The following AOAH variants were observed in gnomAD, a reference collection of about 807,000 sequenced individuals.
The protein encoded by AOAH is acyloxyacyl hydrolase.
In AOAH, 64 loss-of-function variants were observed where a neutral mutation model predicts 92.2. That is an observed-to-expected ratio of 0.69 (90% CI 0.57 to 0.86). The LOEUF (loss-of-function observed/expected upper bound fraction) is 0.86. AOAH is among the 40% of genes least tolerant of loss of function. The pLI is 0.00. For missense variants in AOAH, 656 were observed against 694.6 expected (o/e 0.94, Z 0.62); for synonymous variants, 263 against 254.5 (o/e 1.03, Z -0.32).
intron 12 of AOAH, among the ~76,000 whole-genome samples, chr7:36,593,336 G>A (rs1223039927): frequency 6.6e-6 from 1 of 152,188 alleles, no homozygotes; most frequent in Non-Finnish European, 1.5e-5. Context: ...GGCACACAAT[G>A]TTCTTTGTTC....
chr7:36,611,580 T>C (rs1791461292), intron 11 of AOAH, among the ~76,000 whole-genome samples: 1 of 152,160 alleles, frequency 6.6e-6, no homozygotes, highest in Non-Finnish European at 1.5e-5. Context: ...TGGGCCCCTC[T>C]TTTTCCTGGA....
intron 4 of AOAH, among the ~76,000 whole-genome samples, chr7:36,645,015 T>G (rs1278304510): frequency 1.3e-5 from 2 of 152,182 alleles, no homozygotes; most frequent in African/African-American, 4.8e-5. Flanking sequence ...TGGTATAAAC[T>G]GATTTTTAAA....
At chr7:36,540,194 A>T (rs1201648157) in intron 16 of AOAH, 125 bp downstream of exon 16, 2 of 928,440 alleles carry the variant, frequency 2.2e-6, no homozygotes, top group Non-Finnish European at 3.1e-6. Context: ...TCTTGCCTTT[A>T]TCAACCCTGA....
At position 36,637,367 on chromosome 7, in the gene AOAH, C is replaced by T. The variant is rs139222736; in HGVS notation, c.450+484G>A. ...ACTGGGGCTCAGTGAAGTTGAGCAC[C>T]GTGCTTAAGGTCACATTTTTAGAAA... On this transcript the variant is annotated intron_variant, in intron 5 of 20. Coordinates refer to ENST00000617537, the MANE Select transcript of AOAH (RefSeq NM_001637.4). Among the ~76,000 whole-genome samples, 545 of 152,226 alleles carry T rather than the reference C, an allele frequency of 3.6e-3. 3 individuals are homozygous for T. The highest frequency in any genetic ancestry group is 0.012 in the African/African-American group (507 of 41,536).
In AOAH at chr7:36,673,959, A is replaced by G. The variant is rs1490281282; in HGVS notation, c.274T>C (p.Ser92Pro). ...TCYLVIDKFG[S>P]DIIKLLSADM... ...CATACTCACAGTTTTATGATGTCTGATCCAAACTTGTCAATGACTAAATAG... is the reference window on the plus strand; with the variant it reads ...CATACTCACAGTTTTATGATGTCTGGTCCAAACTTGTCAATGACTAAATAG... Residue 92 changes from serine to proline, a missense_variant, in exon 3 of 21, where the codon TCA becomes CCA. Physicochemically the swap from Ser to Pro is moderately conservative, Grantham distance 74 (BLOSUM62 -1). Transcript: ENST00000617537. 1 of 1,610,720 alleles carries G rather than the reference A, an allele frequency of 6.2e-7. No homozygotes were observed. Among genetic ancestry groups the G allele is most frequent in the African/African-American group, 1.3e-5 (1 of 74,838 alleles).
chr7:36,567,847 CTT>C (rs1787820640), intron 13 of AOAH, among the ~76,000 whole-genome samples: 1 of 152,222 alleles, frequency 6.6e-6, no homozygotes, highest in Non-Finnish European at 1.5e-5. Flanking sequence ...CACGTCTACT[CTT>C]GTTAGGATAT....
At chr7:36,587,978 G>A (rs1246508637) in intron 12 of AOAH, among the ~76,000 whole-genome samples, 3 of 151,810 alleles carry the variant, frequency 2.0e-5, no homozygotes, top group African/African-American at 7.3e-5. Flanking sequence ...CTCTCATCTC[G>A]CCTACACAAG....
chr7:36,720,758 C>T (rs1799572347), intron 1 of AOAH, among the ~76,000 whole-genome samples: 1 of 152,096 alleles, frequency 6.6e-6, no homozygotes, highest in East Asian at 1.9e-4. Flanking sequence ...TGAAGACAGA[C>T]ATTCTAAAAA....
intron 1 of AOAH, among the ~76,000 whole-genome samples, chr7:36,703,682 AG>A (rs1798181977): frequency 6.6e-6 from 1 of 152,078 alleles, no homozygotes; most frequent in Admixed American, 6.5e-5. Flanking sequence ...GCTGAGAATG[AG>A]GGTTTCCAGC....
Position 36,522,107 on chromosome 7 carries a change from C to T in AOAH, c.1531G>A (p.Glu511Lys). Residue 511 changes from glutamate to lysine, a missense_variant, in exon 20 of 21, where the codon GAG (glutamate) becomes AAG (lysine). Glu to Lys is a moderately conservative substitution (Grantham distance 56, BLOSUM62 1). Transcript: ENST00000617537. The part of the protein sequence containing the change: ...MDFAFHEIIQ[E>K]WQKRGGQPWQ... ...GGCTGTCCGCCTCTCTTCTGCCACT[C>T]CTGTATGACTGCAGGGCACATAACG... is the stretch of plus-strand genomic sequence containing the variant. 1.2e-6 allele frequency: 2 copies of T among 1,614,190 alleles called. No homozygotes were observed. Among genetic ancestry groups the T allele is most frequent in the Non-Finnish European group, 1.7e-6 (2 of 1,180,014 alleles).
At chr7:36,523,629 G>GGTTTTTTTTTT (rs759621905) in intron 19 of AOAH, among the ~76,000 whole-genome samples, 3 of 100,134 alleles carry the variant, frequency 3.0e-5, no homozygotes, top group African/African-American at 1.2e-4. Flanking sequence ...TGTTTTGCCT[G>GGTTTTTTTTTT]TTTTTTTTTT....
chr7:36,623,444 C>G (rs1237561974), intron 6 of AOAH, among the ~76,000 whole-genome samples, 194 bp from the exon 7 acceptor site: 1 of 152,140 alleles, frequency 6.6e-6, no homozygotes, highest in Non-Finnish European at 1.5e-5. Context: ...GCTCTTTACC[C>G]AACAGAACTG....
At chr7:36,514,832 C>G (rs1432265550) in intron 20 of AOAH, among the ~76,000 whole-genome samples, 2 of 152,046 alleles carry the variant, frequency 1.3e-5, no homozygotes, top group Non-Finnish European at 2.9e-5. Context: ...GGGCCCAGCC[C>G]TCTCATCTGG....
intron 3 of AOAH, among the ~76,000 whole-genome samples, chr7:36,670,971 C>CG (rs1795886773): frequency 6.6e-6 from 1 of 152,094 alleles, no homozygotes; most frequent in Admixed American, 6.6e-5. Flanking sequence ...GGCCACTTCT[C>CG]GGTAACTCCC....
intron 6 of AOAH, among the ~76,000 whole-genome samples, chr7:36,631,154 T>G (rs906124924): frequency 6.6e-6 from 1 of 152,122 alleles, no homozygotes; most frequent in Admixed American, 6.5e-5. Flanking sequence ...AAGACCAGCC[T>G]GGCCAAAGTG....
At chr7:36,608,869 G>C (rs1791190206) in intron 11 of AOAH, among the ~76,000 whole-genome samples, 1 of 140,374 alleles carries the variant, frequency 7.1e-6, no homozygotes, top group Non-Finnish European at 1.5e-5. Context: ...TAAATTATAT[G>C]CTCACCATAA....
chr7:36,519,680 T>C (rs1414283495), intron 20 of AOAH, among the ~76,000 whole-genome samples: 1 of 152,258 alleles, frequency 6.6e-6, no homozygotes, highest in East Asian at 1.9e-4. Flanking sequence ...TCCACTCACC[T>C]TGGCCTCCCA....
intron 19 of AOAH, among the ~76,000 whole-genome samples, chr7:36,527,746 G>T (rs944909206): frequency 6.6e-6 from 1 of 152,212 alleles, no homozygotes; most frequent in Non-Finnish European, 1.5e-5. Context: ...GCTATTCTGT[G>T]TCTGAGCTGG....
chr7:36,549,428 C>T lies in AOAH; in HGVS notation c.1058+11G>A. On this transcript the variant is annotated intron_variant, in intron 14 of 20. Coordinates refer to ENST00000617537, the MANE Select transcript of AOAH (RefSeq NM_001637.4). ...AACCAAATTAAAAACAACTTCTTAT[C>T]TTCTGCTTACCTTTCTATAAATTTC... 4 of 1,588,894 alleles carry T rather than the reference C, an allele frequency of 2.5e-6. No individual in the cohort carries two copies. Among genetic ancestry groups the T allele is most frequent in the Non-Finnish European group, 3.4e-6 (4 of 1,162,036 alleles).
Sources: allele counts gnomAD v4.1 joint callset (sites outside exome capture counted in the v4.1 genomes callset), GRCh38; gene constraint gnomAD v4.1.1; transcripts MANE v1.5; gene names NCBI Gene and HGNC (gene_info 2026-07-23, HGNC 2026-07-21).